Variants in SF3B3 observed in about 807,000 individuals in gnomAD.
SF3B3 encodes the protein SAP 130.
Under a neutral mutation model 139.2 loss-of-function variants are expected in SF3B3, and 33 were observed. The ratio of observed to expected loss-of-function variants is 0.24; its 90% CI spans 0.18 to 0.32. The LOEUF (loss-of-function observed/expected upper bound fraction) is 0.32, where lower values mean the gene tolerates loss of function less well. Ranked by LOEUF, SF3B3 falls within the 10% of genes least tolerant of loss-of-function variation. SF3B3 has a pLI of 1.00. For synonymous variants in SF3B3, 596 were observed against 563.6 expected (o/e 1.06, Z -0.81); for missense variants, 818 against 1,509.4 (o/e 0.54, Z 7.59).
intron 14 of SF3B3, 90 bp from the exon 15 acceptor site, chr16:70,556,796 T>C: frequency 6.7e-7 from 1 of 1,485,092 alleles, no homozygotes; most frequent in Non-Finnish European, 9.3e-7. Flanking sequence ...AGGAAGTACT[T>C]TTTCAATCCT....
At position 70,574,016 on chromosome 16, in the gene SF3B3, G is replaced by A. The variant is rs551729715; in HGVS notation, c.*2203G>A. The A allele has an allele frequency of 3.3e-5, 5 of 152,208 alleles. No individual in the cohort carries two copies. The highest frequency in any genetic ancestry group is 3.9e-4 in the East Asian group (2 of 5,180). The allele number at this position is 152,208 out of a possible 1,614,324, so 9.4% of individuals were successfully genotyped here. A position where few individuals can be genotyped will look rare whatever the true frequency, so the allele number is the denominator to read the frequency against. On this transcript the variant is annotated 3_prime_UTR_variant, in exon 26 of 26. Coordinates refer to ENST00000302516, the MANE Select transcript of SF3B3 (RefSeq NM_012426.5). ...ATGTATTGCTAGTGAGACAGCTGCC[G>A]GCGCTGGAAAAGGCTCGTCTCACAG...
rs1198550297 is a variant in SF3B3 at position 70,544,536 on chromosome 16, A to G, written c.1329+3A>G. ...GAGTCCTAAGACATGGACTTGAGGT[A>G]AGGTTGCAATTTCTAGATAATCTGC... is the stretch of plus-strand genomic sequence containing the variant. On this transcript the variant is annotated splice_donor_region_variant and intron_variant, in intron 10 of 25. Coordinates refer to ENST00000302516, the MANE Select transcript of SF3B3 (RefSeq NM_012426.5). 15 of 1,576,724 alleles carry G rather than the reference A, an allele frequency of 9.5e-6. No homozygotes were observed. The highest frequency in any genetic ancestry group is 1.2e-5 in the Non-Finnish European group (14 of 1,146,190).
Position 70,535,320 on chromosome 16 carries a change from C to T in SF3B3, c.725C>T (p.Ser242Leu). 1 of 1,571,902 alleles carries T rather than the reference C, an allele frequency of 6.4e-7. No homozygotes were observed. The highest frequency in any genetic ancestry group is 2.3e-5 in the East Asian group (1 of 42,986). Reference sequence around the variant, plus strand: ...TTTTCTCTCACAGTTCCAGGAGGGTCAGATGGTCCAAGTGGAGTACTGATC... The same window carrying T: ...TTTTCTCTCACAGTTCCAGGAGGGTTAGATGGTCCAAGTGGAGTACTGATC... ...GNFLITVPGG[S>L]DGPSGVLICS... is the part of the protein sequence containing the mutation. Residue 242 changes from serine (S) to leucine (L), a missense_variant, in exon 6 of 26, where the codon TCA (serine) becomes TTA (leucine). Ser to Leu is a moderately radical substitution (Grantham distance 145). This residue lies in a region of SF3B3 where 80 missense variants were observed against 206.5 expected (regional missense o/e 0.39). Coordinates refer to ENST00000302516, the MANE Select transcript of SF3B3 (RefSeq NM_012426.5).
rs1325591076 is a variant in SF3B3, at chr16:70,568,345, C to G, written c.3015C>G (p.Val1005=). The G allele has an allele frequency of 1.2e-6, 2 of 1,613,794 alleles. No individual in the cohort carries two copies. The highest frequency in any genetic ancestry group is 1.7e-6 in the Non-Finnish European group (2 of 1,179,714). Residue 1005 remains valine (V), a synonymous_variant, in exon 22 of 26, where the codon GTC becomes GTG. Transcript: ENST00000302516. ...TIGHRVIVSD[V]QESFIWVRYK... ...GACATAGGGTAATTGTATCTGATGT[C>G]CAAGAAAGTTTCATCTGGGTTCGCT...
In SF3B3 at chr16:70,530,807, A is replaced by G. The variant is rs2050114091; in HGVS notation, c.460A>G (p.Ile154Val). The G allele has an allele frequency of 6.2e-7, 1 of 1,613,896 alleles. No homozygotes were observed. The highest frequency in any genetic ancestry group is 8.5e-7 in the Non-Finnish European group (1 of 1,180,010). Residue 154 changes from isoleucine (I) to valine (V), a missense_variant, in exon 4 of 26, where the codon ATT (isoleucine) becomes GTT (valine). By Grantham distance (29) the Ile-to-Val change is conservative. This residue lies in a region of SF3B3 where 144 missense variants were observed against 259.2 expected (regional missense o/e 0.56). Coordinates refer to ENST00000302516, the MANE Select transcript of SF3B3 (RefSeq NM_012426.5). ...CAGAGATGCTGCAGCCCGACTTACC[A>G]TTTCATCTCCCCTGGAAGCCCACAA... ...LNRDAAARLT[I>V]SSPLEAHKAN...
intron 6 of SF3B3, chr16:70,538,045 TCTC>T (rs769177983): frequency 1.2e-4 from 74 of 619,328 alleles, no homozygotes; most frequent in Admixed American, 5.7e-4. Context: ...TCATGTCTCT[TCTC>T]TGACATTTTT....
chr16:70,556,561 C>T, intron 14 of SF3B3: 2 of 614,046 alleles, frequency 3.3e-6, no homozygotes, highest in East Asian at 5.6e-5. Flanking sequence ...TTGGCTTAAG[C>T]CTCAACTCCT....
intron 15 of SF3B3, among the ~76,000 whole-genome samples, chr16:70,559,768 C>T (rs1567421883): frequency 6.9e-6 from 1 of 144,882 alleles, no homozygotes; most frequent in Non-Finnish European, 1.5e-5. Context: ...CTGAAAACTC[C>T]TTTTTTTTTT....
At chr16:70,535,656 C>T (rs1014974256) in intron 6 of SF3B3, among the ~76,000 whole-genome samples, 7 of 151,960 alleles carry the variant, frequency 4.6e-5, no homozygotes, top group Admixed American at 3.3e-4. Flanking sequence ...TCAGAGGAAC[C>T]TGTGGACAAT....
intron 10 of SF3B3, among the ~76,000 whole-genome samples, chr16:70,548,135 C>T (rs1218328517): frequency 6.6e-6 from 1 of 152,170 alleles, no homozygotes; most frequent in African/African-American, 2.4e-5. Context: ...GTTTTGCCTG[C>T]AGCAACTGTA....
At chr16:70,541,945 T>A in intron 9 of SF3B3, 111 bp downstream of exon 9, 1 of 1,000,830 alleles carries the variant, frequency 1.0e-6, no homozygotes, top group Non-Finnish European at 1.4e-6. Context: ...TGTAAAGCAG[T>A]TAGAGGTAGA....
chr16:70,531,478 T>C (rs746907900), intron 4 of SF3B3, among the ~76,000 whole-genome samples: 2 of 152,146 alleles, frequency 1.3e-5, no homozygotes, highest in Non-Finnish European at 2.9e-5. Context: ...GGTTTCACTA[T>C]GTTGGCCAGG....
intron 24 of SF3B3, among the ~76,000 whole-genome samples, 184 bp downstream of exon 24, chr16:70,570,333 G>GTTTTTTT (rs71151192): frequency 5.7e-5 from 7 of 121,808 alleles, no homozygotes; most frequent in Non-Finnish European, 1.0e-4. Context: ...AGGCCATTTG[G>GTTTTTTT]TTTTTTTTTT....
chr16:70,569,174 C>T (rs549456401), intron 23 of SF3B3, 33 bp downstream of exon 23: 2 of 1,442,308 alleles, frequency 1.4e-6, no homozygotes, highest in African/African-American at 1.4e-5. Flanking sequence ...AGGGAGAACA[C>T]TGCTTAGCAC....
intron 16 of SF3B3, 38 bp downstream of exon 16, chr16:70,560,629 G>C: frequency 6.2e-7 from 1 of 1,606,800 alleles, no homozygotes. Flanking sequence ...ACATCTTTGG[G>C]ATTTTAGTGG....
chr16:70,544,800 T>C (rs369386418), intron 10 of SF3B3, among the ~76,000 whole-genome samples: 1 of 152,210 alleles, frequency 6.6e-6, no homozygotes, highest in African/African-American at 2.4e-5. Context: ...AAGTGATTAT[T>C]CTGCCTCAGC....
intron 11 of SF3B3, among the ~76,000 whole-genome samples, chr16:70,552,607 G>T (rs2050338288): frequency 6.6e-6 from 1 of 152,158 alleles, no homozygotes; most frequent in Non-Finnish European, 1.5e-5. Context: ...CTAGCTTCTT[G>T]TCCTGTATTA....
chr16:70,560,146 T>A (rs951833803), intron 15 of SF3B3, among the ~76,000 whole-genome samples: 1 of 152,208 alleles, frequency 6.6e-6, no homozygotes. Context: ...GGGACCATGG[T>A]CTTTGTGGTT....
chr16:70,557,270 A>C (rs1410398762), intron 15 of SF3B3, among the ~76,000 whole-genome samples: 1 of 152,312 alleles, frequency 6.6e-6, no homozygotes, highest in Non-Finnish European at 1.5e-5. Flanking sequence ...TAGCTACTCT[A>C]AGTCAGAACT....
Sources: gnomAD v4.1 joint callset for allele counts (sites outside exome capture counted in the v4.1 genomes callset) on GRCh38, gnomAD v4.1.1 for gene constraint, gnomAD v4.1.1 regional missense constraint, MANE v1.5 for transcripts, NCBI Gene and HGNC (gene_info 2026-07-23, HGNC 2026-07-21) for gene names.